Variants in SP140 observed in about 807,000 individuals in gnomAD.
SP140 encodes SP140 nuclear body protein, also known as nuclear body protein SP140.
SP140 carries 81 observed loss-of-function variants against 125.0 expected under a neutral mutation model. The observed-to-expected ratio is 0.65, with a 90% CI of 0.54 to 0.78. SP140 has a LOEUF of 0.78. SP140 is among the 30% of genes least tolerant of loss of function. The pLI is 0.00. For synonymous variants in SP140, 312 were observed against 354.0 expected (o/e 0.88, Z 1.33); for missense variants, 858 against 1,037.0 (o/e 0.83, Z 2.37).
At chr2:230,213,340 T>C (rs892339396) in intron 1 of SP140, among the ~76,000 whole-genome samples, 2 of 152,238 alleles carry the variant, frequency 1.3e-5, no homozygotes, top group Non-Finnish European at 2.9e-5. Flanking sequence ...TGGTGTCATA[T>C]AATTTAGTCA....
At chr2:230,251,096 A>G (rs751469982) in intron 10 of SP140, 35 bp downstream of exon 10, 1 of 1,570,946 alleles carries the variant, frequency 6.4e-7, no homozygotes, top group Non-Finnish European at 8.8e-7. Context: ...CCTGGGCTGC[A>G]GAGTGTCAGG....
At chr2:230,300,127 G>T (rs1262256864) in intron 22 of SP140, among the ~76,000 whole-genome samples, 2 of 152,144 alleles carry the variant, frequency 1.3e-5, no homozygotes, top group East Asian at 3.9e-4. Flanking sequence ...GGTCAAGCTT[G>T]TATCCCCCTC....
rs1053197156 is a variant in SP140, at chr2:230,206,536, G to A, written c.-323+3257G>A. On this transcript the variant is annotated intron_variant, in intron 1 of 4. Transcript: ENST00000456542. Reference sequence around the variant, plus strand: ...TAGATCAGAATACCTTTATTTTATTGATAACTCATATATATACATATATCT... The same window carrying A: ...TAGATCAGAATACCTTTATTTTATTAATAACTCATATATATACATATATCT... Among the ~76,000 whole-genome samples the A allele has an allele frequency of 1.2e-4, 16 of 134,894 alleles. 1 individual carries two copies. The highest frequency in any genetic ancestry group is 1.4e-4 in the Non-Finnish European group (9 of 63,840). 88.5% of individuals were successfully genotyped at this position (134,894 alleles called of 152,430 possible). A position where few individuals can be genotyped will look rare whatever the true frequency, so the allele number is the denominator to read the frequency against.
chr2:230,186,241 T>C, the SP140 span: 1 of 1,171,974 alleles, frequency 8.5e-7, no homozygotes, highest in Non-Finnish European at 1.2e-6. Context: ...TCTATAATTC[T>C]CTCTTTTCTT....
At chr2:230,300,180 C>T (rs539752406) in intron 22 of SP140, among the ~76,000 whole-genome samples, 17 of 152,280 alleles carry the variant, frequency 1.1e-4, no homozygotes, top group African/African-American at 2.9e-4. Flanking sequence ...GCCACCTCCT[C>T]GCCGAAGGTC....
upstream of SP140, chr2:230,200,571 T>C (rs1006395903): frequency 3.2e-5 from 13 of 403,432 alleles, no homozygotes; most frequent in South Asian, 2.4e-4. Flanking sequence ...ACCATGAATA[T>C]ACTTAGGACA....
intron 3 of SP140, chr2:230,216,876 G>T: frequency 1.9e-6 from 3 of 1,614,020 alleles, no homozygotes; most frequent in East Asian, 2.2e-5. Context: ...AGCTTCTGGT[G>T]CATGAAGTGC....
intron 1 of SP140, among the ~76,000 whole-genome samples, chr2:230,232,726 A>G (rs954400706): frequency 5.3e-5 from 8 of 152,204 alleles, no homozygotes; most frequent in Non-Finnish European, 1.0e-4. Context: ...TGTGTGTTTA[A>G]CACAGTGTTA....
chr2:230,212,819 G>T (rs1241975136), intron 1 of SP140: 1 of 1,613,968 alleles, frequency 6.2e-7, no homozygotes, highest in African/African-American at 1.3e-5. Context: ...GGTCAGATGG[G>T]CTGGGCGACT....
chr2:230,206,616 T>TATAC (rs2043873435), intron 1 of SP140, among the ~76,000 whole-genome samples: 1 of 79,324 alleles, frequency 1.3e-5, no homozygotes, highest in Non-Finnish European at 2.9e-5. Flanking sequence ...TATATATATA[T>TATAC]ATATATATAT....
intron 1 of SP140, among the ~76,000 whole-genome samples, chr2:230,234,718 A>C (rs1047219241): frequency 4.6e-5 from 7 of 152,068 alleles, no homozygotes; most frequent in African/African-American, 1.7e-4. Flanking sequence ...AAAAATTTTC[A>C]TTCACTTTTT....
upstream of SP140, chr2:230,202,601 A>G: frequency 1.2e-6 from 2 of 1,614,190 alleles, no homozygotes; most frequent in Non-Finnish European, 1.7e-6. Context: ...ACTTTCGGGC[A>G]CATTCAGTTC....
intron 1 of SP140, among the ~76,000 whole-genome samples, chr2:230,233,958 A>G (rs1325386789): frequency 6.6e-6 from 1 of 152,216 alleles, no homozygotes; most frequent in Non-Finnish European, 1.5e-5. Context: ...GTCTTGCACA[A>G]TCCTAGGGGG....
At chr2:230,202,454 T>G, upstream of SP140, 94 of 826,050 alleles carry the variant, frequency 1.1e-4, no homozygotes, top group East Asian at 1.9e-4. Context: ...TTATACCCCA[T>G]CCTCATTCTC....
intron 1 of SP140, among the ~76,000 whole-genome samples, chr2:230,226,880 CATAA>C (rs1265980318): frequency 6.7e-6 from 1 of 150,226 alleles, no homozygotes; most frequent in African/African-American, 2.4e-5. Context: ...AAATTAAAAA[CATAA>C]ATAACAACAA....
intron 15 of SP140, among the ~76,000 whole-genome samples, chr2:230,281,559 C>T (rs551153332): frequency 1.3e-5 from 2 of 152,330 alleles, no homozygotes; most frequent in Admixed American, 1.3e-4. Flanking sequence ...TACGCCCTTT[C>T]TGGTGTATCT....
At chr2:230,235,349 A>C (rs1394820536) in intron 1 of SP140, among the ~76,000 whole-genome samples, 1 of 152,176 alleles carries the variant, frequency 6.6e-6, no homozygotes, top group Non-Finnish European at 1.5e-5. Context: ...TTTCATACTT[A>C]GGTTAAAATT....
chr2:230,266,622 T>G (rs2149330534), intron 12 of SP140, among the ~76,000 whole-genome samples: 1 of 152,336 alleles, frequency 6.6e-6, no homozygotes, highest in East Asian at 1.9e-4. Context: ...CCAGCTGAAG[T>G]CTTGGCTGAA....
chr2:230,309,261 A>G (rs1416650339), intron 22 of SP140, among the ~76,000 whole-genome samples: 1 of 152,174 alleles, frequency 6.6e-6, no homozygotes, highest in Non-Finnish European at 1.5e-5. Flanking sequence ...GTCATCAGAG[A>G]TGGCACCTTC....
Sources: allele counts gnomAD v4.1 joint callset (sites outside exome capture counted in the v4.1 genomes callset), GRCh38; gene constraint gnomAD v4.1.1; transcripts MANE v1.5; gene names NCBI Gene and HGNC (gene_info 2026-07-23, HGNC 2026-07-21).